CSMD1: variants seen among roughly 807,000 people sequenced by gnomAD.
The protein encoded by CSMD1 is CUB and sushi domain-containing protein 1.
Under a neutral mutation model 417.5 loss-of-function variants are expected in CSMD1, and 213 were observed. The ratio of observed to expected loss-of-function variants is 0.51; its 90% CI spans 0.46 to 0.57. CSMD1 has a LOEUF of 0.57. CSMD1 is among the 20% of genes least tolerant of loss of function. CSMD1 has a pLI of 0.00. For missense variants in CSMD1, 6,923 were observed against 4,529.7 expected, an observed-to-expected ratio of 1.53 and a Z score of -15.17; for synonymous variants, 2,862 against 1,736.8, an observed-to-expected ratio of 1.65 and a Z score of -16.11.
intron 37 of CSMD1, among the ~76,000 whole-genome samples, chr8:3,165,810 G>C (rs1055627286): frequency 6.6e-6 from 1 of 152,174 alleles, no homozygotes; most frequent in African/African-American, 2.4e-5. Context: ...GGCAAGAGTG[G>C]AGCACAGGAG....
chr8:4,263,311 C>G (rs944968837), intron 3 of CSMD1, among the ~76,000 whole-genome samples: 1 of 152,096 alleles, frequency 6.6e-6, no homozygotes, highest in East Asian at 1.9e-4. Context: ...CTCCTCCCAC[C>G]AAAAGGGGCC....
intron 2 of CSMD1, among the ~76,000 whole-genome samples, chr8:4,575,442 C>T (rs565453056): frequency 2.0e-5 from 3 of 152,050 alleles, no homozygotes; most frequent in Non-Finnish European, 4.4e-5. Context: ...GTCTGTGTAA[C>T]ATCCGGCAGG....
In CSMD1 at chr8:4,095,492, G is replaced by A. The variant is rs550451761; in HGVS notation, c.416-63393C>T. Among the ~76,000 whole-genome samples the A allele has an allele frequency of 1.1e-3, 174 of 152,176 alleles. 1 individual carries two copies. The highest frequency in any genetic ancestry group is 3.6e-3 in the African/African-American group (148 of 41,524). On this transcript the variant is annotated intron_variant, in intron 3 of 69. Transcript: ENST00000635120. ...TTTTGTGTTGTTTTTCCTATTTTCCGAAATTTGAAGTGGAAAGAATGTCCC... is the reference window on the plus strand; with the variant it reads ...TTTTGTGTTGTTTTTCCTATTTTCCAAAATTTGAAGTGGAAAGAATGTCCC...
rs1006776496 is a variant in CSMD1, at chr8:2,985,262, T to C, written c.8378-6462A>G. Among the ~76,000 whole-genome samples the C allele has an allele frequency of 2.6e-5, 4 of 152,174 alleles. No individual in the cohort carries two copies. The East Asian group carries it at 7.7e-4, about 29-fold the overall frequency. The stretch of plus-strand genomic sequence containing the variant: ...TGTGGCCCCATCATGCCTGTATCAC[T>C]AGCTTCTGCCTAGTTCAGGAACACG... On this transcript the variant is annotated intron_variant, in intron 54 of 69. Transcript: ENST00000635120.
intron 1 of CSMD1, among the ~76,000 whole-genome samples, chr8:4,992,153 G>T (rs1355511987): frequency 6.6e-6 from 1 of 152,166 alleles, no homozygotes; most frequent in African/African-American, 2.4e-5. Context: ...CCAGGACTTT[G>T]CAACCCCTGC....
At chr8:3,758,664 G>C (rs1256621747) in intron 5 of CSMD1, among the ~76,000 whole-genome samples, 1 of 152,184 alleles carries the variant, frequency 6.6e-6, no homozygotes, top group Non-Finnish European at 1.5e-5. Flanking sequence ...TTTCAGTTGA[G>C]ATTTAGAAGA....
At chr8:4,981,987 C>G (rs1810915295) in intron 1 of CSMD1, among the ~76,000 whole-genome samples, 1 of 152,136 alleles carries the variant, frequency 6.6e-6, no homozygotes, top group African/African-American at 2.4e-5. Flanking sequence ...ATGGTAAACT[C>G]TGGCCAAAAG....
At position 3,305,836 on chromosome 8, in the gene CSMD1, C is replaced by G. The variant is rs745719506; in HGVS notation, c.3950+1859G>C. ...CTGGGACTACAGGTGCCTGCCACCA[C>G]GTGTGGCTAATTTTTTTGTATTTTT... On this transcript the variant is annotated intron_variant, in intron 25 of 69. Coordinates refer to ENST00000635120, the MANE Select transcript of CSMD1 (RefSeq NM_033225.6). Among the ~76,000 whole-genome samples, 4 of 152,002 alleles carry G rather than the reference C, an allele frequency of 2.6e-5. 1 individual carries two copies. Among genetic ancestry groups the G allele is most frequent in the Non-Finnish European group, 4.4e-5 (3 of 68,006 alleles).
At chr8:3,814,870 T>C (rs899409234) in intron 5 of CSMD1, among the ~76,000 whole-genome samples, 1 of 152,176 alleles carries the variant, frequency 6.6e-6, no homozygotes, top group African/African-American at 2.4e-5. Context: ...CACCCACTTG[T>C]GTTAATTATT....
At chr8:4,161,805 A>AT (rs575791028) in intron 3 of CSMD1, among the ~76,000 whole-genome samples, 45 of 152,164 alleles carry the variant, frequency 3.0e-4, no homozygotes, top group South Asian at 2.7e-3. Flanking sequence ...AAATTTGTTC[A>AT]TTTTTTCATA....
chr8:4,603,901 CTG>C (rs1346230525), intron 2 of CSMD1, among the ~76,000 whole-genome samples: 1 of 151,802 alleles, frequency 6.6e-6, no homozygotes, highest in Admixed American at 6.6e-5. Context: ...AAGTATTACT[CTG>C]GGGGATTTGG....
At chr8:4,308,148 G>C (rs762651927) in intron 3 of CSMD1, among the ~76,000 whole-genome samples, 1 of 152,210 alleles carries the variant, frequency 6.6e-6, no homozygotes, top group African/African-American at 2.4e-5. Flanking sequence ...AGAGAAACAA[G>C]AGCGTTTCTT....
intron 40 of CSMD1, among the ~76,000 whole-genome samples, chr8:3,146,281 AGTTG>A (rs1818839980): frequency 6.6e-6 from 1 of 152,076 alleles, no homozygotes; most frequent in Non-Finnish European, 1.5e-5. Context: ...CGAAATCCTG[AGTTG>A]GTTGAGCTCT....
Position 3,620,999 on chromosome 8 carries a change from T to C in CSMD1, c.1010-4202A>G, listed in dbSNP as rs565641876. Among the ~76,000 whole-genome samples, 39 of 152,234 alleles carry C rather than the reference T, an allele frequency of 2.6e-4. No individual in the cohort carries two copies. In the South Asian group the frequency reaches 7.9e-3, roughly 31 times the overall value. On this transcript the variant is annotated intron_variant, in intron 7 of 69. Transcript: ENST00000635120. ...AAAGTGTCATCCTTAAGGTGAGCCC[T>C]AATCCAACATGACTGGTGCCCTTCT...
chr8:3,621,092 C>G (rs890316051), intron 7 of CSMD1, among the ~76,000 whole-genome samples: 16 of 152,142 alleles, frequency 1.1e-4, no homozygotes, highest in African/African-American at 3.6e-4. Context: ...AGAGAGTCAT[C>G]CACAAGACAA....
At chr8:3,994,980 G>C (rs947430959) in intron 5 of CSMD1, among the ~76,000 whole-genome samples, 2 of 152,114 alleles carry the variant, frequency 1.3e-5, no homozygotes, top group African/African-American at 2.4e-5. Context: ...TGGCTCTGTG[G>C]AATGACCCTG....
intron 2 of CSMD1, among the ~76,000 whole-genome samples, chr8:4,528,656 T>C (rs1585206833): frequency 6.6e-6 from 1 of 152,200 alleles, no homozygotes; most frequent in Non-Finnish European, 1.5e-5. Context: ...ATTGCAGCAA[T>C]GGTTTCATGG....
intron 10 of CSMD1, among the ~76,000 whole-genome samples, chr8:3,572,645 G>T (rs1018266677): frequency 1.3e-5 from 2 of 152,118 alleles, no homozygotes; most frequent in Non-Finnish European, 2.9e-5. Flanking sequence ...AGTTCCTTCT[G>T]CCTCTCAAAT....
intron 3 of CSMD1, among the ~76,000 whole-genome samples, chr8:4,151,517 G>T (rs1252767267): frequency 6.6e-6 from 1 of 152,156 alleles, no homozygotes; most frequent in Non-Finnish European, 1.5e-5. Context: ...GAAGATTTTG[G>T]TAGTGAAACT....
Sources: allele counts gnomAD v4.1 joint callset (sites outside exome capture counted in the v4.1 genomes callset), GRCh38; gene constraint gnomAD v4.1.1; transcripts MANE v1.5; gene names NCBI Gene and HGNC (gene_info 2026-07-23, HGNC 2026-07-21).